Variants in GOSR2 observed in about 807,000 individuals in gnomAD.
The protein encoded by GOSR2 is 27 kDa Golgi SNARE protein.
GOSR2 carries 20 observed loss-of-function variants against 27.9 expected under a neutral mutation model. The observed-to-expected ratio is 0.72, with a 90% CI of 0.50 to 1.04. The LOEUF is 1.04. Among genes scored for constraint, GOSR2 ranks in the 50% least tolerant of loss-of-function variants. GOSR2 has a pLI of 0.00. For synonymous variants in GOSR2, 91 were observed against 98.8 expected (o/e 0.92, Z 0.47); for missense variants, 261 against 270.5 (o/e 0.97, Z 0.25).
Position 46,940,354 on chromosome 17 carries a change from T to TTAAA in GOSR2, c.*1594_*1595insTAAA. ...TGACTCCTAAAATGGGTTGGGGCCC[T>TTAAA]GCCAGAGTTAAAGCAGTGACTGGAG... is the stretch of plus-strand genomic sequence containing the variant. On this transcript the variant is annotated 3_prime_UTR_variant, in exon 6 of 6. Coordinates refer to ENST00000640051, the MANE Select transcript of GOSR2 (RefSeq NM_004287.5). 1.1e-5 allele frequency: 17 copies of TTAAA among 1,484,570 alleles called. No individual in the cohort carries two copies. The highest frequency in any genetic ancestry group is 1.5e-5 in the Non-Finnish European group (17 of 1,119,492). The allele number at this position is 1,484,570 out of a possible 1,614,324, so 92.0% of individuals were successfully genotyped here.
At position 46,935,169 on chromosome 17, in the gene GOSR2, G is replaced by A; in HGVS notation, c.477G>A (p.Lys159=). 6.2e-7 allele frequency: 1 copy of A among 1,614,032 alleles called. No homozygotes were observed. The highest frequency in any genetic ancestry group is 2.2e-5 in the East Asian group (1 of 44,880). ...TGAGGACCCAGAGACTGACCTTGAA[G>A]GTGGGGTCCCTGCTGGGGGACAGAG... ...DGLRTQRLTL[K]GTQKKILDIA... Residue 159 remains lysine, a splice_region_variant and synonymous_variant, in exon 5 of 6, where the codon AAG becomes AAA. Transcript: ENST00000640051.
chr17:46,957,794 A>G (rs369474537), intron 6 of GOSR2, among the ~76,000 whole-genome samples: 3 of 152,322 alleles, frequency 2.0e-5, no homozygotes, highest in South Asian at 4.1e-4. Flanking sequence ...AATGGGCCAG[A>G]TATCGGACAG....
At chr17:46,955,944 T>C (rs3885731) in intron 6 of GOSR2, among the ~76,000 whole-genome samples, 42,116 of 152,002 alleles carry the variant, frequency 0.28, 6,744 homozygotes, top group South Asian at 0.45. Flanking sequence ...AAGACTCTAA[T>C]TCCTTATCCC....
At chr17:46,923,763 C>T (rs16941271) in intron 1 of GOSR2, 9,304 of 418,804 alleles carry the variant, frequency 0.022, 224 homozygotes, top group African/African-American at 0.082. Flanking sequence ...TACAGGTTAT[C>T]GCTAAGAAAA....
intron 2 of GOSR2, 70 bp downstream of exon 2, chr17:46,929,654 A>C: frequency 1.2e-6 from 1 of 814,978 alleles, no homozygotes; most frequent in Non-Finnish European, 2.2e-6. Context: ...GGGCTTCCTG[A>C]CTGCACTCTG....
At chr17:46,950,658 A>T (rs569061681) in intron 6 of GOSR2, among the ~76,000 whole-genome samples, 20 of 152,214 alleles carry the variant, frequency 1.3e-4, no homozygotes, top group Non-Finnish European at 2.2e-4. Context: ...GGCTGACAGG[A>T]TGGGGCTGCC....
intron 6 of GOSR2, chr17:46,964,415 G>C (rs2091224707): frequency 6.6e-6 from 1 of 152,306 alleles, no homozygotes; most frequent in Non-Finnish European, 1.5e-5. Context: ...GCCTCTGCGA[G>C]CCTCTAAGAG....
chr17:46,932,321 C>A, intron 4 of GOSR2, 122 bp downstream of exon 4: 1 of 1,123,648 alleles, frequency 8.9e-7, no homozygotes, highest in Non-Finnish European at 1.3e-6. Flanking sequence ...AGGAAACCAA[C>A]TGGAAATGAC....
chr17:46,940,440 T>C lies in GOSR2; in HGVS notation c.*1680T>C, dbSNP rs552799196. 16 of 1,604,690 alleles carry C rather than the reference T, an allele frequency of 1.0e-5. No individual in the cohort carries two copies. The highest frequency in any genetic ancestry group is 1.7e-5 in the Admixed American group (1 of 59,962). ...ATCTGTCTAACTCTGGGGAGGCACA[T>C]TGACATTTCCATTACACACAGCACT... On this transcript the variant is annotated 3_prime_UTR_variant, in exon 6 of 6. Coordinates refer to ENST00000640051, the MANE Select transcript of GOSR2 (RefSeq NM_004287.5).
intron 6 of GOSR2, among the ~76,000 whole-genome samples, chr17:46,974,011 A>G (rs2091420528): frequency 6.6e-6 from 1 of 152,178 alleles, no homozygotes; most frequent in Admixed American, 6.5e-5. Flanking sequence ...GCACCCCTCT[A>G]TGTGAACTTG....
At chr17:46,950,091 C>T (rs1480422446) in intron 6 of GOSR2, among the ~76,000 whole-genome samples, 2 of 152,242 alleles carry the variant, frequency 1.3e-5, no homozygotes, top group Non-Finnish European at 2.9e-5. Flanking sequence ...GGGATAAAGA[C>T]AGGGAGAACC....
At chr17:46,923,966 T>C (rs748432181) in intron 1 of GOSR2, 90 of 398,108 alleles carry the variant, frequency 2.3e-4, no homozygotes, top group Admixed American at 3.1e-4. Context: ...ATGATTTTTA[T>C]TTTTTATTGT....
At chr17:46,969,584 G>C (rs1419072305), downstream of GOSR2, among the ~76,000 whole-genome samples, 1 of 152,236 alleles carries the variant, frequency 6.6e-6, no homozygotes, top group African/African-American at 2.4e-5. Flanking sequence ...ACCAGCCTCT[G>C]TCCTGATGGC....
intron 1 of GOSR2, chr17:46,923,745 T>C: frequency 2.3e-6 from 1 of 436,448 alleles, no homozygotes; most frequent in African/African-American, 2.0e-5. Context: ...TTGTTAATCG[T>C]ATCTGGTTAC....
rs546303264 is a variant in GOSR2, at chr17:46,950,622, C to T, written c.583+11918C>T. Among the ~76,000 whole-genome samples, 9 of 152,228 alleles carry T rather than the reference C, an allele frequency of 5.9e-5. No individual in the cohort carries two copies. The East Asian group carries it at 1.5e-3, about 26-fold the overall frequency. On this transcript the variant is annotated intron_variant, in intron 6 of 6. Transcript: ENST00000573224. ...AGGAATTTCCACCATGTGAACTTAG[C>T]GGGGGAGATGACCCCGAGCAGCAAG...
At position 46,929,540 on chromosome 17, in the gene GOSR2, C is replaced by A; in HGVS notation, c.50C>A (p.Ser17Tyr). 6.4e-7 allele frequency: 1 copy of A among 1,567,196 alleles called. No individual in the cohort carries two copies. The highest frequency in any genetic ancestry group is 8.8e-7 in the Non-Finnish European group (1 of 1,137,336). ...QTHKQVHEIQ[S>Y]CMGRLETADK... ...GATAGGCAGGTCCACGAGATCCAGT[C>A]TTGCATGGGACGCCTGGAGACGGCA... The change falls in exon 2 of 6, where the codon TCT (serine) becomes TAT (tyrosine). Residue 17 changes from serine to tyrosine, a missense_variant. Coordinates refer to ENST00000640051, the MANE Select transcript of GOSR2 (RefSeq NM_004287.5).
intron 6 of GOSR2, among the ~76,000 whole-genome samples, chr17:46,947,309 TAGTCTCTCTCCC>T (rs975811091): frequency 6.6e-6 from 1 of 152,126 alleles, no homozygotes; most frequent in African/African-American, 2.4e-5. Context: ...TGTGGGTTGT[TAGTCTCTCTCCC>T]AGGAGCACCT....
chr17:46,945,030 G>A (rs1166577816), downstream of GOSR2, among the ~76,000 whole-genome samples: 2 of 152,198 alleles, frequency 1.3e-5, no homozygotes, highest in Admixed American at 6.5e-5. Context: ...TGAAACAACC[G>A]AGGTTGAGAG....
intron 5 of GOSR2, 173 bp downstream of exon 5, chr17:46,935,342 G>C: frequency 6.8e-7 from 1 of 1,473,838 alleles, no homozygotes; most frequent in Middle Eastern, 2.2e-4. Flanking sequence ...TTGTGAGCCT[G>C]AAAGTACCCA....
Sources: gnomAD v4.1 joint callset for allele counts (sites outside exome capture counted in the v4.1 genomes callset) on GRCh38, gnomAD v4.1.1 for gene constraint, MANE v1.5 for transcripts, NCBI Gene and HGNC (gene_info 2026-07-23, HGNC 2026-07-21) for gene names.